Variants in SRRM1 observed in about 807,000 individuals in gnomAD.
SRRM1 encodes serine/arginine repetitive matrix protein 1.
In SRRM1, 19 loss-of-function variants were observed where a neutral mutation model predicts 110.2. The ratio of observed to expected loss-of-function variants is 0.17; its 90% CI spans 0.12 to 0.25. The LOEUF is 0.25. Among genes scored for constraint, SRRM1 ranks in the 10% least tolerant of loss-of-function variants. The probability of loss-of-function intolerance (pLI) is 1.00; values close to 1 mark genes in which losing one functional copy is unlikely to be tolerated. For synonymous variants in SRRM1, 443 were observed against 414.9 expected (o/e 1.07, Z -0.82); for missense variants, 918 against 1,145.8 (o/e 0.80, Z 2.87).
In SRRM1 at chr1:24,652,934, G is replaced by A. The variant is rs1477922938; in HGVS notation, c.942G>A (p.Arg314=). 3.1e-6 allele frequency: 5 copies of A among 1,613,722 alleles called. No homozygotes were observed. Among genetic ancestry groups the A allele is most frequent in the Non-Finnish European group, 3.4e-6 (4 of 1,179,812 alleles). The change falls in exon 8 of 17, where the codon CGG becomes CGA. Residue 314 remains arginine (R), a synonymous_variant. Coordinates refer to ENST00000323848, the MANE Select transcript of SRRM1 (RefSeq NM_005839.4). ...SRSRSYSPRR[R]PSPRRRPSPR... ...GCAGATCGTATTCACCTAGAAGGCG[G>A]CCAAGCCCAAGAAGGCGGCCATCTC...
chr1:24,643,536 C>T (rs1478445040), intron 1 of SRRM1, 189 bp downstream of exon 1: 8 of 483,088 alleles, frequency 1.7e-5, no homozygotes, highest in Non-Finnish European at 2.8e-5. Flanking sequence ...TGCGCAGTCT[C>T]CTCCTCCGGA....
intron 12 of SRRM1, 30 bp from the exon 13 acceptor site, chr1:24,666,781 GAAAA>G: frequency 1.3e-6 from 2 of 1,576,136 alleles, no homozygotes; most frequent in Non-Finnish European, 1.7e-6. Flanking sequence ...ACAAAAAAAA[GAAAA>G]AAAATTAACT....
intron 1 of SRRM1, among the ~76,000 whole-genome samples, chr1:24,644,098 C>A (rs1167258767): frequency 6.6e-6 from 1 of 152,154 alleles, no homozygotes; most frequent in Non-Finnish European, 1.5e-5. Flanking sequence ...CCGCCACCAT[C>A]GTGTTTTACT....
chr1:24,649,903 TAGAA>T, intron 4 of SRRM1, 64 bp from the exon 5 acceptor site: 3 of 1,398,176 alleles, frequency 2.1e-6, no homozygotes. Context: ...TTAACACACG[TAGAA>T]AGTAGTCTTC....
rs1488322528 is a variant in SRRM1 at position 24,652,923 on chromosome 1, C to G, written c.931C>G (p.Pro311Ala). 3 of 1,613,752 alleles carry G rather than the reference C, an allele frequency of 1.9e-6. No individual in the cohort carries two copies. In the Admixed American group the frequency reaches 5.0e-5, roughly 27 times the overall value. The change falls in exon 8 of 17, where the codon CCT (proline) becomes GCT (alanine). Residue 311 changes from proline (P) to alanine (A), a missense_variant. Coordinates refer to ENST00000323848, the MANE Select transcript of SRRM1 (RefSeq NM_005839.4). ...TCTTTGTTATGGCAGATCGTATTCA[C>G]CTAGAAGGCGGCCAAGCCCAAGAAG... ...RHRSRSRSYS[P>A]RRRPSPRRRP...
At chr1:24,667,251 A>G (rs1670464514) in intron 13 of SRRM1, among the ~76,000 whole-genome samples, 1 of 152,246 alleles carries the variant, frequency 6.6e-6, no homozygotes, top group South Asian at 2.1e-4. Flanking sequence ...GGGGATGGTA[A>G]TAGCTGCAGA....
In SRRM1 at chr1:24,646,093, T is replaced by G. The variant is rs753591434; in HGVS notation, c.111+20T>G. On this transcript the variant is annotated intron_variant, in intron 2 of 16. Transcript: ENST00000323848. The stretch of plus-strand genomic sequence containing the variant: ...AAAAAGGTATTCTTCTGGATGAGAC[T>G]GTTGTGCATCTTTATAGCACACTTA... 3.2e-6 allele frequency: 5 copies of G among 1,577,136 alleles called. No homozygotes were observed. In the East Asian group the frequency reaches 1.1e-4, roughly 35 times the overall value.
At chr1:24,662,045 G>A (rs745889747) in intron 11 of SRRM1, among the ~76,000 whole-genome samples, 12 of 152,168 alleles carry the variant, frequency 7.9e-5, no homozygotes, top group South Asian at 2.1e-4. Context: ...AGCTGAGATC[G>A]CGCCACTGCA....
intron 5 of SRRM1, 33 bp downstream of exon 5, chr1:24,650,119 A>G: frequency 6.7e-7 from 1 of 1,492,602 alleles, no homozygotes; most frequent in Non-Finnish European, 8.9e-7. Flanking sequence ...CTGATGTTTT[A>G]CAGGTACTTT....
chr1:24,672,342 A>G lies in SRRM1; in HGVS notation c.*56A>G. 1 of 1,236,380 alleles carries G rather than the reference A, an allele frequency of 8.1e-7. No homozygotes were observed. The highest frequency in any genetic ancestry group is 2.6e-5 in the East Asian group (1 of 38,826). 76.6% of individuals were successfully genotyped at this position (1,236,380 alleles called of 1,614,324 possible). On this transcript the variant is annotated 3_prime_UTR_variant, in exon 17 of 17. Transcript: ENST00000323848. ...TTTGGTTTGTACGCAGTTCAATTTC[A>G]AAATTGCTAAAATGTGTTTGAGCTT...
intron 1 of SRRM1, among the ~76,000 whole-genome samples, chr1:24,644,395 A>G (rs764242907): frequency 6.6e-6 from 1 of 152,352 alleles, no homozygotes; most frequent in East Asian, 1.9e-4. Flanking sequence ...ATCTAAGCCA[A>G]TATATCCGTT....
intron 11 of SRRM1, 113 bp downstream of exon 11, chr1:24,661,509 G>A: frequency 1.5e-6 from 1 of 668,282 alleles, no homozygotes; most frequent in Non-Finnish European, 2.4e-6. Flanking sequence ...ATAGAAATCT[G>A]TCTGAGGAGG....
At chr1:24,663,329 G>A in intron 12 of SRRM1, 3 of 838,354 alleles carry the variant, frequency 3.6e-6, no homozygotes, top group South Asian at 2.5e-5. Flanking sequence ...TATGGTGGCT[G>A]TGGCTGTGAA....
intron 6 of SRRM1, 24 bp from the exon 7 acceptor site, chr1:24,652,410 A>T: frequency 6.6e-7 from 1 of 1,519,586 alleles, no homozygotes; most frequent in Non-Finnish European, 8.8e-7. Flanking sequence ...GCAAAAAAAA[A>T]AAAAAAAGCT....
At chr1:24,669,026 A>G in intron 13 of SRRM1, 97 bp from the exon 14 acceptor site, 1 of 878,336 alleles carries the variant, frequency 1.1e-6, no homozygotes, top group South Asian at 1.7e-5. Context: ...CCCTTTGCCT[A>G]GTGCTAACTA....
At position 24,662,635 on chromosome 1, in the gene SRRM1, TA is replaced by T. The variant is rs770915527; in HGVS notation, c.1484-24del. 17 of 1,607,974 alleles carry T rather than the reference TA, an allele frequency of 1.1e-5. No homozygotes were observed. The Admixed American group carries it at 2.0e-4, about 19-fold the overall frequency. On this transcript the variant is annotated intron_variant, in intron 11 of 16. Coordinates refer to ENST00000323848, the MANE Select transcript of SRRM1 (RefSeq NM_005839.4). The stretch of plus-strand genomic sequence containing the variant: ...AGATTCAAGCACAAACCTAATGTAA[TA>T]TTTTTTTAATTTTGTAATTATAGAC...
At chr1:24,666,965 T>A (rs767776743) in intron 13 of SRRM1, 40 bp downstream of exon 13, 1 of 1,206,642 alleles carries the variant, frequency 8.3e-7, no homozygotes, top group Non-Finnish European at 1.2e-6. Flanking sequence ...TCTCCCCAAC[T>A]CCCCCCGCCC....
At chr1:24,644,572 C>G (rs748315760) in intron 1 of SRRM1, among the ~76,000 whole-genome samples, 1 of 152,120 alleles carries the variant, frequency 6.6e-6, no homozygotes, top group Admixed American at 6.5e-5. Context: ...AATATGCCAA[C>G]GAGTTTTTCG....
At chr1:24,650,251 TTTTG>T (rs1221627372) in intron 5 of SRRM1, among the ~76,000 whole-genome samples, 165 bp downstream of exon 5, 1 of 152,242 alleles carries the variant, frequency 6.6e-6, no homozygotes, top group Non-Finnish European at 1.5e-5. Flanking sequence ...ATCTGTCATA[TTTTG>T]TTTGAGACAG....
Sources: allele counts gnomAD v4.1 joint callset (sites outside exome capture counted in the v4.1 genomes callset), GRCh38; gene constraint gnomAD v4.1.1; transcripts MANE v1.5; gene names NCBI Gene and HGNC (gene_info 2026-07-23, HGNC 2026-07-21).